The following TMEM138 variants were observed in gnomAD, a reference collection of about 807,000 sequenced individuals.
TMEM138 encodes the protein transmembrane protein 138.
Under a neutral mutation model 18.1 loss-of-function variants are expected in TMEM138, and 9 were observed. The observed-to-expected ratio is 0.50, with a 90% CI of 0.30 to 0.87. The LOEUF (loss-of-function observed/expected upper bound fraction) is 0.87, where lower values mean the gene tolerates loss of function less well. Ranked by LOEUF, TMEM138 falls within the 40% of genes least tolerant of loss-of-function variation. TMEM138 has a pLI of 0.06. For missense variants in TMEM138, 189 were observed against 190.6 expected, an observed-to-expected ratio of 0.99 and a Z score of 0.05; for synonymous variants, 79 against 74.8, an observed-to-expected ratio of 1.06 and a Z score of -0.29.
At chr11:61,371,619 T>C (rs977533315), downstream of TMEM138, among the ~76,000 whole-genome samples, 1 of 152,190 alleles carries the variant, frequency 6.6e-6, no homozygotes. Flanking sequence ...AACTCTAAAA[T>C]ACTTGAAGAG....
downstream of TMEM138, among the ~76,000 whole-genome samples, chr11:61,373,483 CCT>C (rs1327479123): frequency 1.3e-5 from 2 of 150,484 alleles, no homozygotes; most frequent in Admixed American, 6.6e-5. Context: ...AATTAAGTCT[CCT>C]CTCTCAAAGA....
chr11:61,366,471 C>CTTTT (rs879154161), intron 3 of TMEM138: 6 of 261,476 alleles, frequency 2.3e-5, no homozygotes, highest in South Asian at 5.9e-5. Context: ...CTTTTCTTTT[C>CTTTT]TTTTTTTTTT....
chr11:61,368,389 C>G, intron 4 of TMEM138: 1 of 529,862 alleles, frequency 1.9e-6, no homozygotes. Context: ...CCACGCCCAG[C>G]TAATTTTTTG....
At chr11:61,368,126 C>T (rs1483647980) in intron 4 of TMEM138, 128 bp downstream of exon 4, 1 of 776,934 alleles carries the variant, frequency 1.3e-6, no homozygotes, top group Non-Finnish European at 2.3e-6. Flanking sequence ...ACACCAGGAA[C>T]AGGAGGGATT....
Position 61,369,033 on chromosome 11 carries a change from T to C in TMEM138, c.*324T>C, listed in dbSNP as rs1858265399. Reference sequence around the variant, plus strand: ...TCTTACCCTTGTGAAGCTTTTCCTTTAGCCTGGGACAGAAGGACCTCCCAG... The same window carrying C: ...TCTTACCCTTGTGAAGCTTTTCCTTCAGCCTGGGACAGAAGGACCTCCCAG... On this transcript the variant is annotated 3_prime_UTR_variant, in exon 5 of 5. Coordinates refer to ENST00000278826, the MANE Select transcript of TMEM138 (RefSeq NM_016464.5). 7.2e-6 allele frequency: 2 copies of C among 276,950 alleles called. No individual in the cohort carries two copies. The highest frequency in any genetic ancestry group is 1.2e-3 in the Middle Eastern group (1 of 826). The allele number at this position is 276,950 out of a possible 1,614,324, so 17.2% of individuals were successfully genotyped here. A position where few individuals can be genotyped will look rare whatever the true frequency, so the allele number is the denominator to read the frequency against.
At chr11:61,366,402 T>A (rs1858154252) in intron 3 of TMEM138, 186 bp downstream of exon 3, 2 of 586,832 alleles carry the variant, frequency 3.4e-6, no homozygotes, top group Non-Finnish European at 5.6e-6. Context: ...TGAGTCACTG[T>A]GCCCGGCCTG....
chr11:61,373,102 G>T (rs1858385893), downstream of TMEM138, among the ~76,000 whole-genome samples: 1 of 152,062 alleles, frequency 6.6e-6, no homozygotes. Context: ...AACACTGACG[G>T]CAATTAAAGC....
At chr11:61,368,269 G>A in intron 4 of TMEM138, 1 of 569,768 alleles carries the variant, frequency 1.8e-6, no homozygotes, top group Non-Finnish European at 3.2e-6. Flanking sequence ...CTGTCGCCCA[G>A]GCTGGAGTGC....
At chr11:61,376,242 A>C (rs1033989441), downstream of TMEM138, among the ~76,000 whole-genome samples, 1 of 152,082 alleles carries the variant, frequency 6.6e-6, no homozygotes, top group Non-Finnish European at 1.5e-5. Context: ...CCAGCTACTC[A>C]GGAGGCTGAG....
Position 61,368,155 on chromosome 11 carries a change from A to G in TMEM138, c.376+157A>G, listed in dbSNP as rs774012727. On this transcript the variant is annotated intron_variant, in intron 4 of 4. Transcript: ENST00000278826. ...AGGGATTACTGCCCCTGCCCTTGCT[A>G]GAAGACTATGGGAAATGAGGAGGCA... is the stretch of plus-strand genomic sequence containing the variant. 5.7e-5 allele frequency: 42 copies of G among 742,970 alleles called. No individual in the cohort carries two copies. In the African/African-American group the frequency reaches 6.2e-4, roughly 11 times the overall value. The allele number at this position is 742,970 out of a possible 1,614,324, so 46.0% of individuals were successfully genotyped here. A position where few individuals can be genotyped will look rare whatever the true frequency, so the allele number is the denominator to read the frequency against.
At chr11:61,374,226 G>A (rs1858405539), downstream of TMEM138, among the ~76,000 whole-genome samples, 2 of 147,742 alleles carry the variant, frequency 1.4e-5, no homozygotes, top group South Asian at 4.3e-4. Context: ...CAGCTCACTG[G>A]AAACTCTGCG....
At chr11:61,372,614 G>A (rs1053270878), downstream of TMEM138, among the ~76,000 whole-genome samples, 29 of 151,910 alleles carry the variant, frequency 1.9e-4, 1 homozygote, top group African/African-American at 6.3e-4. Flanking sequence ...AACCCCGTCT[G>A]TACTAAAAAA....
At chr11:61,368,146 G>A in intron 4 of TMEM138, 148 bp downstream of exon 4, 1 of 750,838 alleles carries the variant, frequency 1.3e-6, no homozygotes, top group Non-Finnish European at 2.4e-6. Context: ...TACTGCCCCT[G>A]CCCTTGCTAG....
chr11:61,367,004 A>G (rs893660100), intron 3 of TMEM138: 1 of 152,220 alleles, frequency 6.6e-6, no homozygotes, highest in Non-Finnish European at 1.5e-5. Context: ...TAAAACAGGT[A>G]GTTGAATGTG....
Position 61,369,107 on chromosome 11 carries a change from C to T in TMEM138, c.*398C>T, listed in dbSNP as rs185742632. ...CAAAGGATGCGAAGAGTGATAGTTA[C>T]GTGCTCCTGACTGATCACACCGCAG... On this transcript the variant is annotated 3_prime_UTR_variant, in exon 5 of 5. Transcript: ENST00000278826. The T allele has an allele frequency of 3.0e-4, 60 of 197,550 alleles. No individual in the cohort carries two copies. The highest frequency in any genetic ancestry group is 1.3e-3 in the African/African-American group (57 of 43,480). The allele number at this position is 197,550 out of a possible 1,614,324, so 12.2% of individuals were successfully genotyped here.
chr11:61,375,317 C>CT (rs71043758), downstream of TMEM138, among the ~76,000 whole-genome samples: 183 of 65,190 alleles, frequency 2.8e-3, no homozygotes, highest in African/African-American at 5.6e-3. Context: ...TGTGAGTATT[C>CT]TTTTTTTTTT....
downstream of TMEM138, among the ~76,000 whole-genome samples, chr11:61,376,635 A>G (rs905669111): frequency 6.6e-6 from 1 of 152,146 alleles, no homozygotes; most frequent in Non-Finnish European, 1.5e-5. Flanking sequence ...ACAGCAACCT[A>G]TTTACATACA....
intron 3 of TMEM138, chr11:61,366,417 C>G (rs989251118): frequency 1.8e-5 from 9 of 509,564 alleles, no homozygotes; most frequent in Non-Finnish European, 3.0e-5. Context: ...GGCCTGAACT[C>G]TGAATTCCTG....
Position 61,364,363 on chromosome 11 carries a change from C to A in TMEM138, c.-28C>A. The A allele has an allele frequency of 6.2e-7, 1 of 1,612,730 alleles. No individual in the cohort carries two copies. Among genetic ancestry groups the A allele is most frequent in the South Asian group, 1.1e-5 (1 of 90,954 alleles). On this transcript the variant is annotated 5_prime_UTR_variant, in exon 2 of 5. Transcript: ENST00000278826. ...TTTTCTGGGAACTGTGGGATGTGCCCTTGGGGGCCCGAGAAAACAGAAGGA... is the reference window on the plus strand; with the variant it reads ...TTTTCTGGGAACTGTGGGATGTGCCATTGGGGGCCCGAGAAAACAGAAGGA...
Sources: gnomAD v4.1 joint callset for allele counts (sites outside exome capture counted in the v4.1 genomes callset) on GRCh38, gnomAD v4.1.1 for gene constraint, MANE v1.5 for transcripts, NCBI Gene and HGNC (gene_info 2026-07-23, HGNC 2026-07-21) for gene names.